Variants in NEGR1 observed in about 807,000 individuals in gnomAD.
The protein encoded by NEGR1 is neuronal growth regulator 1.
A neutral mutation model predicts 40.9 loss-of-function variants in NEGR1; 10 were observed. The observed-to-expected ratio is 0.24, with a 90% confidence interval of 0.15 to 0.42. NEGR1 has a LOEUF of 0.42. Ranked by LOEUF, NEGR1 falls within the 10% of genes least tolerant of loss-of-function variation. The pLI, the probability that NEGR1 is intolerant of heterozygous loss-of-function variation, is 1.00. For synonymous variants in NEGR1, 185 were observed against 166.8 expected (o/e 1.11, Z -0.84); for missense variants, 352 against 438.9 (o/e 0.80, Z 1.77).
At chr1:72,278,007 A>T (rs975822839) in intron 1 of NEGR1, among the ~76,000 whole-genome samples, 2 of 152,184 alleles carry the variant, frequency 1.3e-5, no homozygotes, top group South Asian at 4.1e-4. Context: ...ATAAAAAGGC[A>T]AATGTTGTGA....
At chr1:71,976,512 G>C (rs1646305219) in intron 1 of NEGR1, among the ~76,000 whole-genome samples, 1 of 152,196 alleles carries the variant, frequency 6.6e-6, no homozygotes. Context: ...CCTGATAAGT[G>C]AATCTGATTG....
intron 1 of NEGR1, among the ~76,000 whole-genome samples, chr1:72,066,945 G>A (rs1647289975): frequency 6.6e-6 from 1 of 152,110 alleles, no homozygotes; most frequent in Admixed American, 6.6e-5. Flanking sequence ...GCAGGAAAGT[G>A]TATGTTTTAG....
intron 2 of NEGR1, among the ~76,000 whole-genome samples, chr1:71,911,336 G>C (rs1295871406): frequency 6.6e-6 from 1 of 152,064 alleles, no homozygotes; most frequent in Non-Finnish European, 1.5e-5. Flanking sequence ...AAAGAGCTCT[G>C]GTCAGGAATG....
In NEGR1 at chr1:71,793,389, A is replaced by G. The variant is rs973408442; in HGVS notation, c.410-17092T>C. On this transcript the variant is annotated intron_variant, in intron 2 of 6. Transcript: ENST00000357731. ...CTCCCAAAGTGCTGGGATTACAGGC[A>G]TGAGCCACCACGCCCGGCCTGGGAT... Among the ~76,000 whole-genome samples, 5 of 146,268 alleles carry G rather than the reference A, an allele frequency of 3.4e-5. No individual in the cohort carries two copies. The Admixed American group carries it at 3.6e-4, about 11-fold the overall frequency.
chr1:71,665,454 G>T (rs1652212126), intron 4 of NEGR1, among the ~76,000 whole-genome samples: 1 of 152,166 alleles, frequency 6.6e-6, no homozygotes, highest in African/African-American at 2.4e-5. Flanking sequence ...ACATGTGTTG[G>T]ATCCTGCCAT....
chr1:71,456,099 T>G (rs949869421), intron 6 of NEGR1, among the ~76,000 whole-genome samples: 2 of 152,154 alleles, frequency 1.3e-5, no homozygotes, highest in Non-Finnish European at 2.9e-5. Flanking sequence ...ATTAGATGAC[T>G]TCCAAGATTT....
At chr1:72,177,113 C>A (rs948459694) in intron 1 of NEGR1, among the ~76,000 whole-genome samples, 1 of 152,006 alleles carries the variant, frequency 6.6e-6, no homozygotes, top group African/African-American at 2.4e-5. Context: ...TGTCAGAAAT[C>A]GATCTAAGTG....
chr1:71,543,192 T>C (rs1380490387), intron 6 of NEGR1, among the ~76,000 whole-genome samples: 1 of 151,508 alleles, frequency 6.6e-6, no homozygotes, highest in Non-Finnish European at 1.5e-5. Context: ...ACATACACAA[T>C]TGCAAATATG....
chr1:71,494,907 C>A (rs1337175851), intron 6 of NEGR1, among the ~76,000 whole-genome samples: 1 of 152,134 alleles, frequency 6.6e-6, no homozygotes, highest in Non-Finnish European at 1.5e-5. Context: ...ACAGCAAGAG[C>A]AAACCTTTCT....
rs1646276687 is a variant in NEGR1 at position 71,406,185 on chromosome 1, C to G, written c.*1261G>C. 6.6e-6 allele frequency: 1 copy of G among 151,736 alleles called. No individual in the cohort carries two copies. The highest frequency in any genetic ancestry group is 2.4e-5 in the African/African-American group (1 of 41,352). 9.4% of individuals were successfully genotyped at this position (151,736 alleles called of 1,614,324 possible). A position where few individuals can be genotyped will look rare whatever the true frequency, so the allele number is the denominator to read the frequency against. On this transcript the variant is annotated 3_prime_UTR_variant, in exon 7 of 7. Transcript: ENST00000357731. Reference sequence around the variant, plus strand: ...TAGAAAGATTTTATTGAAGAATTAGCTATTTTAGAGATTGGTCTGCTACAT... The same window carrying G: ...TAGAAAGATTTTATTGAAGAATTAGGTATTTTAGAGATTGGTCTGCTACAT...
At chr1:71,412,076 C>T (rs1040600401) in intron 6 of NEGR1, among the ~76,000 whole-genome samples, 4 of 152,092 alleles carry the variant, frequency 2.6e-5, no homozygotes, top group Non-Finnish European at 4.4e-5. Context: ...CAAAACTTTA[C>T]AGCCTGGGAT....
At chr1:71,929,729 A>G (rs547401999) in intron 2 of NEGR1, among the ~76,000 whole-genome samples, 1 of 139,310 alleles carries the variant, frequency 7.2e-6, no homozygotes, top group South Asian at 2.2e-4. Flanking sequence ...TTTCACCATT[A>G]CTGTTTTTTT....
chr1:71,581,484 C>T (rs1210844845), intron 6 of NEGR1, among the ~76,000 whole-genome samples: 1 of 152,138 alleles, frequency 6.6e-6, no homozygotes, highest in Admixed American at 6.5e-5. Context: ...AATATCATGT[C>T]TTATTCGAGT....
At chr1:71,707,257 G>C (rs1016959490) in intron 3 of NEGR1, among the ~76,000 whole-genome samples, 3 of 152,166 alleles carry the variant, frequency 2.0e-5, no homozygotes, top group African/African-American at 7.2e-5. Flanking sequence ...CCCTGGGCTA[G>C]AGGGGAGCCC....
chr1:72,122,861 C>T (rs2100294555), intron 1 of NEGR1, among the ~76,000 whole-genome samples: 1 of 151,984 alleles, frequency 6.6e-6, no homozygotes, highest in Middle Eastern at 3.4e-3. Flanking sequence ...AGTGTTAGAT[C>T]ACGATTAAAC....
intron 1 of NEGR1, among the ~76,000 whole-genome samples, chr1:72,069,548 A>T (rs1647375813): frequency 6.6e-6 from 1 of 152,108 alleles, no homozygotes; most frequent in Non-Finnish European, 1.5e-5. Flanking sequence ...TCTACTTTTG[A>T]TACCTGTGAA....
At chr1:71,977,423 T>C (rs914073766) in intron 1 of NEGR1, among the ~76,000 whole-genome samples, 8 of 152,108 alleles carry the variant, frequency 5.3e-5, no homozygotes, top group African/African-American at 1.9e-4. Context: ...TTATAAATAA[T>C]TGAAGATGCT....
At chr1:71,465,140 T>C (rs1272592234) in intron 6 of NEGR1, among the ~76,000 whole-genome samples, 1 of 152,114 alleles carries the variant, frequency 6.6e-6, no homozygotes, top group African/African-American at 2.4e-5. Flanking sequence ...GCAGTGTTAA[T>C]AGAATTATAG....
In NEGR1 at chr1:72,008,645, A is replaced by G. The variant is rs576845807; in HGVS notation, c.177-73334T>C. 5.3e-5 allele frequency among the ~76,000 whole-genome samples: 8 copies of G among 152,284 alleles called. No individual in the cohort carries two copies. The South Asian group carries it at 6.2e-4, about 12-fold the overall frequency. On this transcript the variant is annotated intron_variant, in intron 1 of 6. Coordinates refer to ENST00000357731, the MANE Select transcript of NEGR1 (RefSeq NM_173808.3). ...AACTTCTATAAACACCTGTGATTGTAAACTCACTGAAAGTTTAGCCTTGGC... is the reference window on the plus strand; with the variant it reads ...AACTTCTATAAACACCTGTGATTGTGAACTCACTGAAAGTTTAGCCTTGGC...
Sources: allele counts gnomAD v4.1 joint callset (sites outside exome capture counted in the v4.1 genomes callset), GRCh38; gene constraint gnomAD v4.1.1; transcripts MANE v1.5; gene names NCBI Gene and HGNC (gene_info 2026-07-23, HGNC 2026-07-21).